TMEM123: variants seen among roughly 807,000 people sequenced by gnomAD.
TMEM123 encodes transmembrane protein 123, also known as porimin.
Under a neutral mutation model 19.7 loss-of-function variants are expected in TMEM123, and 16 were observed. That is an observed-to-expected ratio of 0.81 (90% CI 0.55 to 1.23). TMEM123 has a LOEUF of 1.23. Among genes scored for constraint, TMEM123 ranks in the 50% most tolerant of loss-of-function variants. The probability of loss-of-function intolerance (pLI) is 0.00; values close to 1 mark genes in which losing one functional copy is unlikely to be tolerated. For synonymous variants in TMEM123, 118 were observed against 99.4 expected (o/e 1.19, Z -1.12); for missense variants, 313 against 257.8 (o/e 1.21, Z -1.47).
chr11:102,423,420 A>T (rs1231398345), intron 2 of TMEM123, among the ~76,000 whole-genome samples: 2 of 152,170 alleles, frequency 1.3e-5, no homozygotes, highest in Non-Finnish European at 2.9e-5. Context: ...CCTTTTAGGG[A>T]AGCCTGGCAT....
At chr11:102,411,213 A>G (rs1363097647) in intron 2 of TMEM123, among the ~76,000 whole-genome samples, 1 of 152,132 alleles carries the variant, frequency 6.6e-6, no homozygotes, top group Non-Finnish European at 1.5e-5. Context: ...AACCTTTGGG[A>G]AAGCTAGAAA....
At chr11:102,413,985 T>C (rs1565349614) in intron 2 of TMEM123, among the ~76,000 whole-genome samples, 1 of 152,156 alleles carries the variant, frequency 6.6e-6, no homozygotes, top group African/African-American at 2.4e-5. Flanking sequence ...ACACAAGGGC[T>C]GAAACACAAA....
At chr11:102,438,185 T>C (rs1348601558) in intron 2 of TMEM123, among the ~76,000 whole-genome samples, 18 of 152,142 alleles carry the variant, frequency 1.2e-4, no homozygotes, top group Admixed American at 1.2e-3. Flanking sequence ...CCTAAGTAGC[T>C]GGGATCACAT....
At chr11:102,413,373 C>T (rs192487224) in intron 2 of TMEM123, among the ~76,000 whole-genome samples, 2 of 152,254 alleles carry the variant, frequency 1.3e-5, no homozygotes, top group East Asian at 1.9e-4. Context: ...AAAGTGCATG[C>T]ACCACTGGTG....
chr11:102,452,474 C>A, intron 1 of TMEM123, 50 bp downstream of exon 1: 1 of 1,369,804 alleles, frequency 7.3e-7, no homozygotes, highest in South Asian at 1.5e-5. Flanking sequence ...CAAGCCTCGG[C>A]AGCGCGCTGC....
chr11:102,422,039 C>A (rs900059375), intron 2 of TMEM123, among the ~76,000 whole-genome samples: 1 of 152,210 alleles, frequency 6.6e-6, no homozygotes, highest in Non-Finnish European at 1.5e-5. Context: ...TAACAAAAAT[C>A]TACCTGAATT....
intron 2 of TMEM123, among the ~76,000 whole-genome samples, chr11:102,432,788 C>T (rs1180932497): frequency 1.3e-5 from 2 of 152,232 alleles, no homozygotes; most frequent in Non-Finnish European, 2.9e-5. Flanking sequence ...GCCCCCTGCT[C>T]TATGCAGCCT....
chr11:102,448,887 A>T lies in TMEM123; in HGVS notation c.101-19T>A. ...GCAGATGCTGTAAAAATAAAGAAAT[A>T]TCCTGTTATGAAAGAACATTTAACT... On this transcript the variant is annotated intron_variant, in intron 1 of 4. Transcript: ENST00000398136. 1 of 1,612,366 alleles carries T rather than the reference A, an allele frequency of 6.2e-7. No homozygotes were observed. Among genetic ancestry groups the T allele is most frequent in the Non-Finnish European group, 8.5e-7 (1 of 1,178,644 alleles).
At chr11:102,444,178 C>A (rs140957819) in intron 2 of TMEM123, among the ~76,000 whole-genome samples, 1 of 152,130 alleles carries the variant, frequency 6.6e-6, no homozygotes, top group African/African-American at 2.4e-5. Context: ...ACCATTTGAC[C>A]CGGCCATCCC....
intron 2 of TMEM123, among the ~76,000 whole-genome samples, chr11:102,424,775 T>C (rs975729023): frequency 1.3e-5 from 2 of 151,878 alleles, no homozygotes; most frequent in Non-Finnish European, 2.9e-5. Flanking sequence ...TTGATTTATA[T>C]AGATAAGACT....
At chr11:102,401,885 T>C (rs1260388124) in intron 3 of TMEM123, 31 bp downstream of exon 3, 3 of 1,596,088 alleles carry the variant, frequency 1.9e-6, no homozygotes, top group Middle Eastern at 1.7e-4. Context: ...ACTTGCAGCA[T>C]AGGAAAAAAA....
chr11:102,447,957 A>T (rs190148177), intron 2 of TMEM123, among the ~76,000 whole-genome samples: 68 of 152,306 alleles, frequency 4.5e-4, no homozygotes, highest in African/African-American at 1.5e-3. Flanking sequence ...TTTACACTTT[A>T]AAAAAATGGT....
At chr11:102,449,171 G>A (rs1857913495) in intron 1 of TMEM123, 1 of 295,764 alleles carries the variant, frequency 3.4e-6, no homozygotes, top group Non-Finnish European at 6.7e-6. Flanking sequence ...CCACACAATT[G>A]GGGACAGATG....
At chr11:102,399,524 C>T (rs1951891304) in intron 4 of TMEM123, among the ~76,000 whole-genome samples, 1 of 152,212 alleles carries the variant, frequency 6.6e-6, no homozygotes, top group Admixed American at 6.5e-5. Context: ...TGCCTTTAAT[C>T]TGACAAACCA....
rs58653631 is a variant in TMEM123 at position 102,414,789 on chromosome 11, C to A, written c.158-12583G>T. On this transcript the variant is annotated intron_variant, in intron 2 of 4. Transcript: ENST00000398136. ...ATGACACTACAAAGCAACTACACAA[C>A]CAAGTTTACATAGAAACCAGTTAAC... Among the ~76,000 whole-genome samples the A allele has an allele frequency of 2.9e-3, 436 of 152,246 alleles. 3 individuals carry two copies. Among genetic ancestry groups the A allele is most frequent in the African/African-American group, 0.01 (423 of 41,542 alleles).
chr11:102,432,803 ACATAGTG>A (rs890184724), intron 2 of TMEM123, among the ~76,000 whole-genome samples: 1 of 152,188 alleles, frequency 6.6e-6, no homozygotes, highest in Non-Finnish European at 1.5e-5. Context: ...CAGCCTGGGG[ACATAGTG>A]CCCTGCGTCT....
At chr11:102,421,053 A>C (rs755685246) in intron 2 of TMEM123, among the ~76,000 whole-genome samples, 1 of 152,174 alleles carries the variant, frequency 6.6e-6, no homozygotes, top group Non-Finnish European at 1.5e-5. Context: ...TCTCGAAAGA[A>C]AACAACAACA....
At chr11:102,413,539 C>T (rs1952021540) in intron 2 of TMEM123, among the ~76,000 whole-genome samples, 2 of 152,150 alleles carry the variant, frequency 1.3e-5, no homozygotes, top group Non-Finnish European at 2.9e-5. Context: ...ACGGCAGGTG[C>T]TTAACTTCGA....
At chr11:102,410,840 G>A (rs1274432172) in intron 2 of TMEM123, among the ~76,000 whole-genome samples, 1 of 152,136 alleles carries the variant, frequency 6.6e-6, no homozygotes, top group Non-Finnish European at 1.5e-5. Flanking sequence ...GTTACAATAT[G>A]TATGCCAGGG....
Sources: gnomAD v4.1 joint callset for allele counts (sites outside exome capture counted in the v4.1 genomes callset) on GRCh38, gnomAD v4.1.1 for gene constraint, MANE v1.5 for transcripts, NCBI Gene and HGNC (gene_info 2026-07-23, HGNC 2026-07-21) for gene names.